NAALADL2: variants seen among roughly 807,000 people sequenced by gnomAD.
The protein encoded by NAALADL2 is N-acetylated alpha-linked acidic dipeptidase like 2.
A neutral mutation model predicts 87.2 loss-of-function variants in NAALADL2; 76 were observed. The ratio of observed to expected loss-of-function variants is 0.87; its 90% CI spans 0.72 to 1.05. NAALADL2 has a LOEUF of 1.05. Among genes scored for constraint, NAALADL2 ranks in the 50% least tolerant of loss-of-function variants. The probability of loss-of-function intolerance (pLI) is 0.00; values close to 1 mark genes in which losing one functional copy is unlikely to be tolerated. For synonymous variants in NAALADL2, 354 were observed against 331.0 expected, an observed-to-expected ratio of 1.07 and a Z score of -0.75; for missense variants, 1,089 against 945.8, an observed-to-expected ratio of 1.15 and a Z score of -1.99.
At chr3:174,974,390 C>T (rs938095929) in intron 1 of NAALADL2, among the ~76,000 whole-genome samples, 2 of 152,134 alleles carry the variant, frequency 1.3e-5, no homozygotes, top group African/African-American at 4.8e-5. Context: ...ATCAAGGCAT[C>T]CCAGGTACAA....
upstream of NAALADL2, among the ~76,000 whole-genome samples, chr3:174,855,291 T>C (rs916500748): frequency 2.6e-5 from 4 of 152,252 alleles, no homozygotes; most frequent in Admixed American, 6.5e-5. Flanking sequence ...CCCTAGGCGA[T>C]AGGAAAATTT....
intron 2 of NAALADL2, among the ~76,000 whole-genome samples, chr3:174,573,699 A>C (rs1715187388): frequency 6.6e-6 from 1 of 152,030 alleles, no homozygotes; most frequent in Admixed American, 6.6e-5. Context: ...GGGGGAGGGA[A>C]GGTGCCACAC....
intron 4 of NAALADL2, among the ~76,000 whole-genome samples, chr3:175,270,607 A>G: frequency 6.6e-6 from 1 of 152,172 alleles, no homozygotes; most frequent in East Asian, 1.9e-4. Flanking sequence ...CTCCGGGAAA[A>G]TGTTGCCATT....
intron 4 of NAALADL2, among the ~76,000 whole-genome samples, chr3:175,267,252 A>G (rs956607317): frequency 6.6e-6 from 1 of 152,064 alleles, no homozygotes; most frequent in African/African-American, 2.4e-5. Flanking sequence ...ATCACTAAAT[A>G]CGTAGGATTT....
At chr3:175,322,900 C>T (rs1310437659) in intron 4 of NAALADL2, among the ~76,000 whole-genome samples, 1 of 151,256 alleles carries the variant, frequency 6.6e-6, no homozygotes, top group East Asian at 2.0e-4. Context: ...GGACTGTAAA[C>T]TAGTTCAACC....
intron 9 of NAALADL2, among the ~76,000 whole-genome samples, chr3:175,504,520 G>A (rs1285420754): frequency 1.3e-5 from 2 of 151,844 alleles, no homozygotes; most frequent in South Asian, 2.1e-4. Context: ...GTGGCTTTAC[G>A]AGAAAAGAAA....
chr3:175,717,724 A>T (rs903025594), intron 11 of NAALADL2, among the ~76,000 whole-genome samples: 2 of 151,502 alleles, frequency 1.3e-5, no homozygotes, highest in African/African-American at 4.8e-5. Flanking sequence ...AAAAAGAAAT[A>T]AATTAATATA....
rs36091749 is a variant in NAALADL2 at position 174,836,708 on chromosome 3, C to CAAAAAAAA, written c.-9+98980_-9+98987dup. On this transcript the variant is annotated intron_variant, in intron 3 of 3. Coordinates refer to the NAALADL2 transcript ENST00000434257. Reference sequence around the variant, plus strand: ...TGGGTGACAGAGCGAGACTCCGTCTCAAAAAAAAAAAAAAAAAAAAAAAAA... The same window carrying CAAAAAAAA: ...TGGGTGACAGAGCGAGACTCCGTCTCAAAAAAAAAAAAAAAAAAAAAAAAAAAAAAAAA... 3.1e-5 allele frequency among the ~76,000 whole-genome samples: 2 copies of CAAAAAAAA among 65,382 alleles called. 1 individual carries two copies. The allele number at this position is 65,382 out of a possible 152,430, so 42.9% of individuals were successfully genotyped here. A position where few individuals can be genotyped will look rare whatever the true frequency, so the allele number is the denominator to read the frequency against.
intron 1 of NAALADL2, among the ~76,000 whole-genome samples, chr3:174,960,059 C>T (rs1270753817): frequency 6.6e-6 from 1 of 151,966 alleles, no homozygotes; most frequent in Non-Finnish European, 1.5e-5. Context: ...TGGCTGCAGA[C>T]CCCGTAGTTA....
chr3:175,268,501 A>G (rs573041349), intron 4 of NAALADL2, among the ~76,000 whole-genome samples: 1 of 152,206 alleles, frequency 6.6e-6, no homozygotes, highest in South Asian at 2.1e-4. Context: ...AGACTACAGT[A>G]TATTTGTTTA....
intron 1 of NAALADL2, among the ~76,000 whole-genome samples, chr3:174,455,136 TG>T (rs1395920575): frequency 1.3e-5 from 2 of 151,756 alleles, no homozygotes; most frequent in Non-Finnish European, 2.9e-5. Flanking sequence ...CCAGAAGAAA[TG>T]GATAAATTCC....
intron 4 of NAALADL2, among the ~76,000 whole-genome samples, chr3:175,319,567 C>A: frequency 6.6e-6 from 1 of 152,188 alleles, no homozygotes; most frequent in Non-Finnish European, 1.5e-5. Flanking sequence ...CACCTATAAT[C>A]CCAGCCCTTC....
At chr3:175,505,435 G>GA (rs201506777) in intron 9 of NAALADL2, among the ~76,000 whole-genome samples, 1,985 of 152,016 alleles carry the variant, frequency 0.013, 27 homozygotes, top group South Asian at 0.022. Context: ...ATAAAGATAA[G>GA]AAAAAATTAT....
chr3:174,886,122 C>G (rs915345150), intron 1 of NAALADL2, among the ~76,000 whole-genome samples: 3 of 151,618 alleles, frequency 2.0e-5, no homozygotes, highest in African/African-American at 7.3e-5. Flanking sequence ...ACCATGTTAG[C>G]CAGGATGGTC....
intron 13 of NAALADL2, among the ~76,000 whole-genome samples, chr3:175,781,244 G>A (rs1233182550): frequency 6.6e-6 from 1 of 152,046 alleles, no homozygotes; most frequent in Non-Finnish European, 1.5e-5. Flanking sequence ...TGATGAGTGT[G>A]TCTAAGATAG....
At chr3:174,904,317 T>G (rs1426596701) in intron 1 of NAALADL2, among the ~76,000 whole-genome samples, 1 of 151,872 alleles carries the variant, frequency 6.6e-6, no homozygotes, top group East Asian at 1.9e-4. Flanking sequence ...TTATTAAGAA[T>G]CTGAGTTCTG....
chr3:174,724,649 C>T (rs1171829035), intron 2 of NAALADL2, among the ~76,000 whole-genome samples: 1 of 152,048 alleles, frequency 6.6e-6, no homozygotes, highest in Admixed American at 6.6e-5. Flanking sequence ...TTATTTATTG[C>T]ATATAGTAAA....
chr3:175,299,350 G>C (rs1756754814), intron 4 of NAALADL2, among the ~76,000 whole-genome samples: 1 of 151,948 alleles, frequency 6.6e-6, no homozygotes. Context: ...AGCTTGATGG[G>C]GATAGCATTC....
At chr3:175,760,984 TTAA>T (rs1289056542) in intron 13 of NAALADL2, among the ~76,000 whole-genome samples, 1 of 152,200 alleles carries the variant, frequency 6.6e-6, no homozygotes, top group Non-Finnish European at 1.5e-5. Flanking sequence ...ATCCCAATTG[TTAA>T]TATCTTGCAG....
Sources: gnomAD v4.1 joint callset for allele counts (sites outside exome capture counted in the v4.1 genomes callset) on GRCh38, gnomAD v4.1.1 for gene constraint, MANE v1.5 for transcripts, NCBI Gene and HGNC (gene_info 2026-07-23, HGNC 2026-07-21) for gene names.